Variants in PDE4B observed in about 807,000 individuals in gnomAD.
PDE4B encodes the protein phosphodiesterase 4B.
A neutral mutation model predicts 82.2 loss-of-function variants in PDE4B; 20 were observed. The ratio of observed to expected loss-of-function variants is 0.24; its 90% CI spans 0.17 to 0.35. The LOEUF (loss-of-function observed/expected upper bound fraction) is 0.35, where lower values mean the gene tolerates loss of function less well. PDE4B is among the 10% of genes least tolerant of loss of function. The pLI is 1.00. For synonymous variants in PDE4B, 320 were observed against 318.9 expected, an observed-to-expected ratio of 1.00 and a Z score of -0.04; for missense variants, 655 against 907.2, an observed-to-expected ratio of 0.72 and a Z score of 3.57.
At chr1:65,833,641 G>C (rs955343002) in intron 1 of PDE4B, among the ~76,000 whole-genome samples, 5 of 152,028 alleles carry the variant, frequency 3.3e-5, no homozygotes, top group African/African-American at 1.2e-4. Flanking sequence ...TGATTCTTAG[G>C]CCTCTTCCAA....
At chr1:65,989,422 C>T (rs1445540054) in intron 3 of PDE4B, among the ~76,000 whole-genome samples, 3 of 152,022 alleles carry the variant, frequency 2.0e-5, no homozygotes, top group East Asian at 1.9e-4. Context: ...AACCCGGAGG[C>T]AGAGGTTGCA....
chr1:66,109,594 A>G (rs944608116), intron 3 of PDE4B, among the ~76,000 whole-genome samples: 26 of 151,912 alleles, frequency 1.7e-4, no homozygotes, highest in Non-Finnish European at 4.4e-5. Context: ...GCATTAGATA[A>G]TACTAAGTTC....
chr1:66,060,168 C>G (rs1655510432), intron 3 of PDE4B, among the ~76,000 whole-genome samples: 1 of 152,192 alleles, frequency 6.6e-6, no homozygotes, highest in South Asian at 2.1e-4. Context: ...GGTTTTCAAT[C>G]TGGCTTCATT....
At chr1:66,338,554 T>C (rs1484840298) in intron 8 of PDE4B, among the ~76,000 whole-genome samples, 2 of 152,212 alleles carry the variant, frequency 1.3e-5, no homozygotes, top group Middle Eastern at 3.2e-3. Context: ...CAAATAATAG[T>C]ATTAAACTAA....
rs202170730 is a variant in PDE4B at position 65,920,855 on chromosome 1, CAT to C, written c.281+2021_281+2022del. On this transcript the variant is annotated intron_variant, in intron 3 of 16. Transcript: ENST00000341517. Reference sequence around the variant, plus strand: ...CCACATATTGGTAATTCATTTATAACATGTGTGTTTTATTTCAATTAACAGGA... The same window carrying C: ...CCACATATTGGTAATTCATTTATAACGTGTGTTTTATTTCAATTAACAGGA... Among the ~76,000 whole-genome samples the C allele has an allele frequency of 7.1e-3, 1,057 of 149,924 alleles. 13 individuals are homozygous for C. The highest frequency in any genetic ancestry group is 0.024 in the African/African-American group (962 of 40,810).
intron 1 of PDE4B, among the ~76,000 whole-genome samples, chr1:65,873,209 G>A (rs1180300232): frequency 1.8e-4 from 27 of 152,176 alleles, no homozygotes; most frequent in Admixed American, 1.8e-3. Context: ...GAAAGATAGG[G>A]ATGTCTGCTA....
At chr1:66,187,506 T>A (rs1423972143) in intron 3 of PDE4B, among the ~76,000 whole-genome samples, 1 of 152,270 alleles carries the variant, frequency 6.6e-6, no homozygotes, top group Admixed American at 6.5e-5. Flanking sequence ...TGCCACAATT[T>A]CAGACCCTGT....
chr1:66,269,437 GTTTCACATTTTGCC>G (rs1167416179), intron 7 of PDE4B, among the ~76,000 whole-genome samples: 1 of 152,128 alleles, frequency 6.6e-6, no homozygotes, highest in Non-Finnish European at 1.5e-5. Context: ...ATCTGAATTT[GTTTCACATTTTGCC>G]TTTCACAAGC....
chr1:66,258,886 C>T (rs1654464658), intron 6 of PDE4B, among the ~76,000 whole-genome samples: 1 of 152,150 alleles, frequency 6.6e-6, no homozygotes, highest in Non-Finnish European at 1.5e-5. Flanking sequence ...ACTAGGCTTT[C>T]TTGTGAGATG....
chr1:65,796,676 G>A (rs1432735749), intron 1 of PDE4B, among the ~76,000 whole-genome samples: 1 of 116,808 alleles, frequency 8.6e-6, no homozygotes, highest in Non-Finnish European at 1.6e-5. Context: ...TTGAGACAGA[G>A]TCTCACTCTG....
intron 3 of PDE4B, among the ~76,000 whole-genome samples, chr1:66,148,397 G>A (rs1014877398): frequency 6.6e-6 from 1 of 152,040 alleles, no homozygotes; most frequent in Non-Finnish European, 1.5e-5. Flanking sequence ...GTCTATTCTT[G>A]AAGGATGCTG....
At chr1:65,848,680 T>C (rs1047224858) in intron 1 of PDE4B, among the ~76,000 whole-genome samples, 8 of 152,238 alleles carry the variant, frequency 5.3e-5, no homozygotes, top group Admixed American at 2.6e-4. Context: ...CAACAAAATG[T>C]TTCTGAGATT....
intron 7 of PDE4B, among the ~76,000 whole-genome samples, chr1:66,299,249 C>T (rs141945216): frequency 1.3e-5 from 2 of 152,266 alleles, no homozygotes; most frequent in African/African-American, 4.8e-5. Context: ...TTCCTAGCTT[C>T]TAATAACCAT....
chr1:66,104,878 A>G (rs1645310312), intron 3 of PDE4B, among the ~76,000 whole-genome samples: 1 of 143,776 alleles, frequency 7.0e-6, no homozygotes, highest in Non-Finnish European at 1.5e-5. Flanking sequence ...ATTTTCTCCC[A>G]TTTTGTAGGT....
intron 3 of PDE4B, among the ~76,000 whole-genome samples, chr1:65,991,392 A>G (rs1396317133): frequency 6.6e-6 from 1 of 152,036 alleles, no homozygotes; most frequent in Non-Finnish European, 1.5e-5. Flanking sequence ...AAATGATTTT[A>G]TAAGCGTAGA....
chr1:66,355,447 G>A (rs1662160702), intron 8 of PDE4B, 80 bp from the exon 9 acceptor site: 2 of 845,938 alleles, frequency 2.4e-6, no homozygotes. Flanking sequence ...CTTGATTCCT[G>A]GACAGTAAAG....
intron 3 of PDE4B, among the ~76,000 whole-genome samples, chr1:66,169,998 G>T (rs1465927741): frequency 2.0e-5 from 3 of 152,118 alleles, no homozygotes; most frequent in East Asian, 1.9e-4. Context: ...TATTTACTCT[G>T]CAATAGTAAG....
chr1:66,174,943 G>A (rs1295138875), intron 3 of PDE4B, among the ~76,000 whole-genome samples: 2 of 152,268 alleles, frequency 1.3e-5, no homozygotes, highest in East Asian at 1.9e-4. Flanking sequence ...TTACATGATG[G>A]CAGGAGAGAG....
intron 1 of PDE4B, among the ~76,000 whole-genome samples, chr1:65,840,532 A>C (rs555818485): frequency 6.6e-6 from 1 of 152,330 alleles, no homozygotes; most frequent in Admixed American, 6.5e-5. Context: ...AACAATACTA[A>C]ACAAAACAAA....
Sources: gnomAD v4.1 joint callset for allele counts (sites outside exome capture counted in the v4.1 genomes callset) on GRCh38, gnomAD v4.1.1 for gene constraint, MANE v1.5 for transcripts, NCBI Gene and HGNC (gene_info 2026-07-23, HGNC 2026-07-21) for gene names.